GDF10: variants seen among roughly 807,000 people sequenced by gnomAD.
The protein encoded by GDF10 is growth differentiation factor 10.
A neutral mutation model predicts 32.1 loss-of-function variants in GDF10; 23 were observed. The observed-to-expected ratio is 0.72, with a 90% confidence interval of 0.52 to 1.02. The LOEUF (loss-of-function observed/expected upper bound fraction) is 1.02. Ranked by LOEUF, GDF10 falls within the 50% of genes least tolerant of loss-of-function variation. The probability of loss-of-function intolerance (pLI) is 0.00; values close to 1 mark genes in which losing one functional copy is unlikely to be tolerated. For missense variants in GDF10, 764 were observed against 673.9 expected, an observed-to-expected ratio of 1.13 and a Z score of -1.48; for synonymous variants, 328 against 303.1, an observed-to-expected ratio of 1.08 and a Z score of -0.85.
intron 1 of GDF10, among the ~76,000 whole-genome samples, chr10:47,301,190 G>A (rs1241020800): frequency 6.6e-6 from 1 of 152,248 alleles, no homozygotes; most frequent in Non-Finnish European, 1.5e-5. Flanking sequence ...TGCCCCTGGG[G>A]TGCTCCCACA....
chr10:47,300,674 C>T lies in GDF10; in HGVS notation c.23C>T (p.Thr8Ile). MAHVPARTSPGPGPQLLL... is the reference protein window; with the variant it reads MAHVPARISPGPGPQLLL... ...GCCATGGCTCATGTCCCCGCTCGGA[C>T]CAGCCCGGGACCCGGGCCCCAGCTG... is the stretch of plus-strand genomic sequence containing the variant. The change falls in exon 1 of 3, where the codon ACC (threonine) becomes ATC (isoleucine). Residue 8 changes from threonine to isoleucine, a missense_variant. By Grantham distance (89) the Thr-to-Ile change is moderately conservative. Transcript: ENST00000580279. The T allele has an allele frequency of 1.2e-6, 2 of 1,603,194 alleles. No individual in the cohort carries two copies. Among genetic ancestry groups the T allele is most frequent in the Non-Finnish European group, 1.7e-6 (2 of 1,176,622 alleles).
chr10:47,303,311 C>T (rs1284165424), intron 1 of GDF10, among the ~76,000 whole-genome samples: 2 of 152,174 alleles, frequency 1.3e-5, no homozygotes, highest in Admixed American at 1.3e-4. Flanking sequence ...ATGCCTCCAT[C>T]CCCACAGCCT....
intron 1 of GDF10, among the ~76,000 whole-genome samples, chr10:47,305,157 G>C (rs564512604): frequency 9.2e-5 from 14 of 152,204 alleles, no homozygotes; most frequent in Non-Finnish European, 2.1e-4. Flanking sequence ...GGAAGGGCTG[G>C]AGGAGAAGTG....
In GDF10 at chr10:47,310,156, C is replaced by A; in HGVS notation, c.680C>A (p.Ser227Tyr). The A allele has an allele frequency of 1.9e-6, 3 of 1,612,100 alleles. No homozygotes were observed. The highest frequency in any genetic ancestry group is 2.5e-6 in the Non-Finnish European group (3 of 1,179,518). The change falls in exon 2 of 3, where the codon TCT becomes TAT. Residue 227 changes from serine to tyrosine, a missense_variant. Ser to Tyr is a moderately radical substitution (Grantham distance 144). Transcript: ENST00000580279. ...GELLLSAQLD[S>Y]EERDPGVPRP... is the part of the protein sequence containing the mutation. ...CTGCTCCTCTCCGCCCAGCTGGATTCTGAGGAGAGGGACCCGGGGGTGCCC... is the reference window on the plus strand; with the variant it reads ...CTGCTCCTCTCCGCCCAGCTGGATTATGAGGAGAGGGACCCGGGGGTGCCC...
intron 2 of GDF10, among the ~76,000 whole-genome samples, chr10:47,312,325 C>T (rs1017561049): frequency 6.6e-6 from 1 of 152,182 alleles, no homozygotes; most frequent in Non-Finnish European, 1.5e-5. Flanking sequence ...GTGGCCCTGC[C>T]GTGTTGGGGA....
intron 2 of GDF10, among the ~76,000 whole-genome samples, chr10:47,311,275 A>G (rs1161455347): frequency 6.6e-6 from 1 of 152,234 alleles, no homozygotes; most frequent in Non-Finnish European, 1.5e-5. Context: ...GACACACAGC[A>G]CTGGGCTGTT....
intron 1 of GDF10, among the ~76,000 whole-genome samples, chr10:47,307,747 CTT>C (rs1565747409): frequency 6.6e-6 from 1 of 152,252 alleles, no homozygotes. Flanking sequence ...GGAGTTGAGA[CTT>C]GAACTGGATC....
In GDF10 at chr10:47,310,406, G is replaced by C; in HGVS notation, c.930G>C (p.Pro310=). The C allele has an allele frequency of 6.2e-7, 1 of 1,610,472 alleles. No homozygotes were observed. ...DNELPGLDER[P]PRAHAQHFHK... ...AGCTGCCGGGGCTGGATGAGAGGCC[G>C]CCGCGCGCCCACGCACAGCACTTCC... Residue 310 remains proline, a synonymous_variant, in exon 2 of 3, where the codon CCG becomes CCC. Transcript: ENST00000580279.
intron 1 of GDF10, among the ~76,000 whole-genome samples, chr10:47,305,207 A>G (rs1555207115): frequency 6.6e-6 from 1 of 152,212 alleles, no homozygotes; most frequent in East Asian, 1.9e-4. Flanking sequence ...GCAAGGGTGT[A>G]GTGCCCTGAG....
chr10:47,306,904 G>A (rs941964651), intron 1 of GDF10, among the ~76,000 whole-genome samples: 5 of 152,158 alleles, frequency 3.3e-5, no homozygotes, highest in Non-Finnish European at 7.3e-5. Context: ...AGTTGCAGAG[G>A]TAGGCAGGCC....
chr10:47,310,727 GT>G lies in GDF10; in HGVS notation c.1245+9del. The G allele has an allele frequency of 6.3e-7, 1 of 1,598,662 alleles. No homozygotes were observed. The highest frequency in any genetic ancestry group is 1.3e-5 in the African/African-American group (1 of 74,730). ...GTGAGTTCCCCATGCCTAAGGTAGG[GT>G]TTCTTCCGCCTTTTGCCAAATTCTA... On this transcript the variant is annotated splice_region_variant and intron_variant, in intron 2 of 2. Coordinates refer to ENST00000580279, the MANE Select transcript of GDF10 (RefSeq NM_004962.5).
In GDF10 at chr10:47,312,850, T is replaced by C; in HGVS notation, c.*58T>C. 1 of 1,186,194 alleles carries C rather than the reference T, an allele frequency of 8.4e-7. No homozygotes were observed. Among genetic ancestry groups the C allele is most frequent in the Non-Finnish European group, 1.2e-6 (1 of 847,118 alleles). The allele number at this position is 1,186,194 out of a possible 1,614,324, so 73.5% of individuals were successfully genotyped here. A position where few individuals can be genotyped will look rare whatever the true frequency, so the allele number is the denominator to read the frequency against. ...GCAGAGCTGCCTTCTCGGAGCCTTC[T>C]GCAACCAGGACTTGTGGTGCAGCTG... On this transcript the variant is annotated 3_prime_UTR_variant, in exon 3 of 3. Transcript: ENST00000580279.
intron 1 of GDF10, among the ~76,000 whole-genome samples, chr10:47,303,560 G>T (rs946367600): frequency 1.3e-5 from 2 of 152,102 alleles, no homozygotes; most frequent in Non-Finnish European, 2.9e-5. Context: ...CCTGACACAG[G>T]TAAGTGTCAA....
At chr10:47,310,839 C>A in intron 2 of GDF10, 118 bp downstream of exon 2, 1 of 707,818 alleles carries the variant, frequency 1.4e-6, no homozygotes. Flanking sequence ...ACAGTACTTC[C>A]TATCTATTCC....
At chr10:47,310,762 C>A in intron 2 of GDF10, 41 bp downstream of exon 2, 2 of 1,374,402 alleles carry the variant, frequency 1.5e-6, no homozygotes, top group Non-Finnish European at 1.0e-6. Context: ...TAAGGCTCAG[C>A]TCTGCCGCTA....
In GDF10 at chr10:47,310,563, C is replaced by A. The variant is rs1555207664; in HGVS notation, c.1087C>A (p.Gln363Lys). ...GCTGGACTTTGACGAGAAGACGATG[C>A]AGAAAGCCCGGAGGAAGCAGTGGGA... ...QVLDFDEKTM[Q>K]KARRKQWDEP... Residue 363 changes from glutamine (Q) to lysine (K), a missense_variant, in exon 2 of 3, where the codon CAG becomes AAG. Coordinates refer to ENST00000580279, the MANE Select transcript of GDF10 (RefSeq NM_004962.5). 2 of 1,614,218 alleles carry A rather than the reference C, an allele frequency of 1.2e-6. No individual in the cohort carries two copies.
chr10:47,307,294 AGAG>A, intron 1 of GDF10, among the ~76,000 whole-genome samples: 1 of 152,220 alleles, frequency 6.6e-6, no homozygotes, highest in Non-Finnish European at 1.5e-5. Context: ...AAAAGGGGAA[AGAG>A]GGGAAGAAAA....
In GDF10 at chr10:47,313,296, T is replaced by G. The variant is rs1463444881; in HGVS notation, c.*504T>G. On this transcript the variant is annotated 3_prime_UTR_variant, in exon 3 of 3. Coordinates refer to ENST00000580279, the MANE Select transcript of GDF10 (RefSeq NM_004962.5). Reference sequence around the variant, plus strand: ...CTGCAGAGCTTTTATCCATATGGTATGCACATGTAGCCAATATTGGTTTCT... The same window carrying G: ...CTGCAGAGCTTTTATCCATATGGTAGGCACATGTAGCCAATATTGGTTTCT... The G allele has an allele frequency of 1.3e-5, 2 of 152,264 alleles. No individual in the cohort carries two copies. The highest frequency in any genetic ancestry group is 1.5e-5 in the Non-Finnish European group (1 of 68,094). The allele number at this position is 152,264 out of a possible 1,614,324, so 9.4% of individuals were successfully genotyped here. A position where few individuals can be genotyped will look rare whatever the true frequency, so the allele number is the denominator to read the frequency against.
chr10:47,304,706 A>G (rs1481559542), intron 1 of GDF10, among the ~76,000 whole-genome samples: 2 of 152,220 alleles, frequency 1.3e-5, no homozygotes, highest in African/African-American at 4.8e-5. Context: ...TGTGAGATAT[A>G]TGTGGATACA....
Sources: allele counts gnomAD v4.1 joint callset (sites outside exome capture counted in the v4.1 genomes callset), GRCh38; gene constraint gnomAD v4.1.1; transcripts MANE v1.5; gene names NCBI Gene and HGNC (gene_info 2026-07-23, HGNC 2026-07-21).